Variants in ERC1 observed in about 807,000 individuals in gnomAD.
ERC1 encodes the protein RAB6 interacting protein 2.
ERC1 carries 56 observed loss-of-function variants against 132.0 expected under a neutral mutation model. The observed-to-expected ratio is 0.42, with a 90% confidence interval of 0.34 to 0.53. The LOEUF is 0.53. ERC1 is among the 20% of genes least tolerant of loss of function. The pLI, the probability that ERC1 is intolerant of heterozygous loss-of-function variation, is 0.03. For missense variants in ERC1, 1,202 were observed against 1,349.9 expected (o/e 0.89, Z 1.72); for synonymous variants, 478 against 476.1 (o/e 1.00, Z -0.05).
At chr12:1,011,942 G>GGA (rs1555196994) in intron 1 of ERC1, among the ~76,000 whole-genome samples, 1 of 140,748 alleles carries the variant, frequency 7.1e-6, no homozygotes, top group Non-Finnish European at 1.5e-5. Context: ...GTGAGACTCT[G>GGA]AAAAAAAAAA....
At chr12:1,164,061 C>T (rs182919573) in intron 8 of ERC1, among the ~76,000 whole-genome samples, 1 of 152,150 alleles carries the variant, frequency 6.6e-6, no homozygotes, top group African/African-American at 2.4e-5. Flanking sequence ...TTGGGTTCCT[C>T]GTGGCATGGG....
At chr12:1,289,822 C>G (rs751498746) in intron 14 of ERC1, 30 bp from the exon 15 acceptor site, 6 of 1,600,666 alleles carry the variant, frequency 3.7e-6, no homozygotes, top group Non-Finnish European at 5.1e-6. Flanking sequence ...TCAAGACACT[C>G]TGTTGTTCTC....
At chr12:1,106,813 A>G (rs1209719455) in intron 4 of ERC1, among the ~76,000 whole-genome samples, 1 of 152,194 alleles carries the variant, frequency 6.6e-6, no homozygotes, top group African/African-American at 2.4e-5. Flanking sequence ...AGGACGAGTA[A>G]TAGTATTACT....
At chr12:1,467,251 T>G (rs1226762457) in intron 18 of ERC1, among the ~76,000 whole-genome samples, 1 of 152,166 alleles carries the variant, frequency 6.6e-6, no homozygotes, top group Non-Finnish European at 1.5e-5. Flanking sequence ...TGCCTGAAAT[T>G]TCAGTGGTTC....
At chr12:1,202,965 G>A (rs1030779834) in intron 12 of ERC1, among the ~76,000 whole-genome samples, 4 of 152,214 alleles carry the variant, frequency 2.6e-5, no homozygotes, top group Admixed American at 1.3e-4. Flanking sequence ...TTTACACAGC[G>A]TTATAGATGC....
intron 12 of ERC1, among the ~76,000 whole-genome samples, chr12:1,202,685 A>G (rs976463884): frequency 6.6e-6 from 1 of 152,156 alleles, no homozygotes; most frequent in Non-Finnish European, 1.5e-5. Flanking sequence ...TTGTAATTTG[A>G]TGCTAAAGTG....
At chr12:1,449,526 C>T (rs116023930) in intron 18 of ERC1, among the ~76,000 whole-genome samples, 94 of 152,186 alleles carry the variant, frequency 6.2e-4, no homozygotes, top group African/African-American at 1.4e-3. Context: ...GGGTCCTTTC[C>T]GCCTTTGCCT....
Position 1,028,199 on chromosome 12 carries a change from C to T in ERC1, c.296C>T (p.Pro99Leu), listed in dbSNP as rs755938605. Residue 99 changes from proline to leucine, a missense_variant, in exon 2 of 19, where the codon CCT (proline) becomes CTT (leucine). Pro to Leu is a moderately conservative substitution (Grantham distance 98, BLOSUM62 -3). Coordinates refer to ENST00000360905, the MANE Select transcript of ERC1 (RefSeq NM_178040.4). ...CTTGGCCGTTCTGGGGGACGTCTGC[C>T]TTACGGTGTTCGGATGACTGCTATG... is the stretch of plus-strand genomic sequence containing the variant. ...MTLGRSGGRL[P>L]YGVRMTAMGS... is the part of the protein sequence containing the mutation. The T allele has an allele frequency of 6.2e-7, 1 of 1,614,186 alleles. No individual in the cohort carries two copies. The highest frequency in any genetic ancestry group is 1.1e-5 in the South Asian group (1 of 91,076).
intron 15 of ERC1, among the ~76,000 whole-genome samples, chr12:1,346,626 T>C (rs1247541615): frequency 2.6e-5 from 4 of 152,196 alleles, no homozygotes; most frequent in African/African-American, 9.7e-5. Context: ...AACAGCGTGT[T>C]GTGACATTTG....
Position 1,196,802 on chromosome 12 carries a change from C to A in ERC1, c.2351+6750C>A, listed in dbSNP as rs1379818208. On this transcript the variant is annotated intron_variant, in intron 12 of 18. Transcript: ENST00000360905. ...ACCACACCTGGTGCATGTGCGCACG[C>A]TATTTCTCTCTCTCTCTCTCTCTCT... is the stretch of plus-strand genomic sequence containing the variant. Among the ~76,000 whole-genome samples, 7 of 125,512 alleles carry A rather than the reference C, an allele frequency of 5.6e-5. No homozygotes were observed. In the Admixed American group the frequency reaches 5.8e-4, roughly 10 times the overall value. 82.3% of individuals were successfully genotyped at this position (125,512 alleles called of 152,430 possible).
At chr12:1,069,416 T>C (rs1453778480) in intron 2 of ERC1, among the ~76,000 whole-genome samples, 2 of 152,160 alleles carry the variant, frequency 1.3e-5, no homozygotes, top group Non-Finnish European at 2.9e-5. Flanking sequence ...AGAGAAACTT[T>C]TACCCATGTG....
At chr12:1,132,921 T>C (rs144707214) in intron 7 of ERC1, among the ~76,000 whole-genome samples, 9,325 of 151,682 alleles carry the variant, frequency 0.061, 478 homozygotes, top group Admixed American at 0.14. Context: ...AGTGGCACAA[T>C]CTTGGCTCAC....
chr12:1,144,970 T>G (rs1950215007), intron 8 of ERC1, among the ~76,000 whole-genome samples: 1 of 152,100 alleles, frequency 6.6e-6, no homozygotes, highest in Non-Finnish European at 1.5e-5. Flanking sequence ...ATTTTTAAAT[T>G]ATATCGCATT....
At chr12:1,316,064 A>G (rs531222758) in intron 15 of ERC1, among the ~76,000 whole-genome samples, 21 of 151,944 alleles carry the variant, frequency 1.4e-4, no homozygotes, top group Non-Finnish European at 2.6e-4. Context: ...AATTTTTTGT[A>G]TTTTTAGTAG....
intron 15 of ERC1, among the ~76,000 whole-genome samples, chr12:1,309,922 ATTTGTTTTCT>A (rs1004542515): frequency 6.7e-6 from 1 of 149,536 alleles, no homozygotes; most frequent in Non-Finnish European, 1.5e-5. Flanking sequence ...TGCTGAGGGG[ATTTGTTTTCT>A]TTTGTTTTGT....
intron 13 of ERC1, among the ~76,000 whole-genome samples, chr12:1,237,930 A>G (rs1348700926): frequency 6.6e-6 from 1 of 152,240 alleles, no homozygotes; most frequent in East Asian, 1.9e-4. Context: ...TTTACTATGT[A>G]GAAGCCATTC....
intron 2 of ERC1, among the ~76,000 whole-genome samples, chr12:1,047,775 G>A (rs1261157930): frequency 6.6e-6 from 1 of 152,148 alleles, no homozygotes; most frequent in Non-Finnish European, 1.5e-5. Context: ...CTGAAGGTTA[G>A]AAACCTGTTA....
intron 18 of ERC1, among the ~76,000 whole-genome samples, chr12:1,463,697 C>CTGTGTGTGTGTGTGTGTGTGTGTG (rs57210462): frequency 0.013 from 1,811 of 135,996 alleles, 41 homozygotes; most frequent in Middle Eastern, 0.025. Context: ...GGTGCTAAGA[C>CTGTGTGTGTGTGTGTGTGTGTGTG]TGTGTGTGTG....
intron 18 of ERC1, among the ~76,000 whole-genome samples, chr12:1,474,784 T>G (rs145269453): frequency 1.6e-4 from 24 of 152,196 alleles, no homozygotes; most frequent in Non-Finnish European, 2.9e-4. Context: ...TAACCATGCT[T>G]TTGTCTGCCA....
Sources: gnomAD v4.1 joint callset for allele counts (sites outside exome capture counted in the v4.1 genomes callset) on GRCh38, gnomAD v4.1.1 for gene constraint, MANE v1.5 for transcripts, NCBI Gene and HGNC (gene_info 2026-07-23, HGNC 2026-07-21) for gene names.